Variants in ZRANB3 observed in about 807,000 individuals in gnomAD.
ZRANB3 encodes the protein zinc finger RANBP2-type containing 3.
A neutral mutation model predicts 133.8 loss-of-function variants in ZRANB3; 125 were observed. The ratio of observed to expected loss-of-function variants is 0.93; its 90% CI spans 0.81 to 1.08. The LOEUF (loss-of-function observed/expected upper bound fraction) is 1.08, where lower values mean the gene tolerates loss of function less well. Ranked by LOEUF, ZRANB3 falls within the 50% of genes least tolerant of loss-of-function variation. The pLI, the probability that ZRANB3 is intolerant of heterozygous loss-of-function variation, is 0.00. For missense variants in ZRANB3, 1,229 were observed against 1,275.5 expected, an observed-to-expected ratio of 0.96 and a Z score of 0.56; for synonymous variants, 387 against 432.7, an observed-to-expected ratio of 0.89 and a Z score of 1.31.
At chr2:135,250,730 T>C (rs1038221617) in intron 12 of ZRANB3, among the ~76,000 whole-genome samples, 5 of 152,320 alleles carry the variant, frequency 3.3e-5, no homozygotes, top group East Asian at 3.9e-4. Flanking sequence ...AAGTCAAGAA[T>C]TGAAGTTTGG....
At chr2:135,297,906 G>T (rs1254654733) in intron 8 of ZRANB3, among the ~76,000 whole-genome samples, 5 of 152,044 alleles carry the variant, frequency 3.3e-5, no homozygotes, top group Non-Finnish European at 7.4e-5. Flanking sequence ...TTTCTCTGGA[G>T]ACTTTTTTGT....
chr2:135,223,188 T>C (rs1558840070), intron 15 of ZRANB3, among the ~76,000 whole-genome samples: 2 of 149,950 alleles, frequency 1.3e-5, no homozygotes, highest in African/African-American at 2.5e-5. Flanking sequence ...GAGGCAGAGG[T>C]TGCAGTGAGC....
At position 135,211,140 on chromosome 2, in the gene ZRANB3, G is replaced by C. The variant is rs76425641; in HGVS notation, c.2496-2162C>G. On this transcript the variant is annotated intron_variant, in intron 17 of 20. Coordinates refer to ENST00000264159, the MANE Select transcript of ZRANB3 (RefSeq NM_032143.4). ...CATTTCCATTGACATATCATTCACA[G>C]AGCATAAAATTCACCAATTTAAAGT... Among the ~76,000 whole-genome samples, 25 of 152,204 alleles carry C rather than the reference G, an allele frequency of 1.6e-4. No individual in the cohort carries two copies. In the East Asian group the frequency reaches 1.7e-3, roughly 11 times the overall value.
chr2:135,470,579 C>T (rs539413823), intron 2 of ZRANB3, among the ~76,000 whole-genome samples: 4 of 150,620 alleles, frequency 2.7e-5, no homozygotes, highest in South Asian at 2.1e-4. Context: ...CCCAGATACT[C>T]GGGAGGCTGA....
At chr2:135,308,781 C>A (rs1053781651) in intron 8 of ZRANB3, among the ~76,000 whole-genome samples, 3 of 151,096 alleles carry the variant, frequency 2.0e-5, no homozygotes, top group Non-Finnish European at 4.4e-5. Flanking sequence ...TTCATAAAAG[C>A]CTAATTCCTT....
At chr2:135,231,935 A>G (rs1205528716) in intron 12 of ZRANB3, among the ~76,000 whole-genome samples, 1 of 152,160 alleles carries the variant, frequency 6.6e-6, no homozygotes, top group Non-Finnish European at 1.5e-5. Flanking sequence ...GGAGTGTCAG[A>G]CAGTGGGTGC....
intron 11 of ZRANB3, among the ~76,000 whole-genome samples, chr2:135,266,504 T>C (rs1330652608): frequency 6.6e-6 from 1 of 152,030 alleles, no homozygotes; most frequent in Non-Finnish European, 1.5e-5. Context: ...CGGTGGCTCA[T>C]GCCTGTAATC....
chr2:135,421,664 A>C (rs1019216545), intron 2 of ZRANB3, among the ~76,000 whole-genome samples: 1 of 152,002 alleles, frequency 6.6e-6, no homozygotes, highest in Admixed American at 6.6e-5. Context: ...TGACTACTCT[A>C]TATCTGTTGC....
intron 2 of ZRANB3, among the ~76,000 whole-genome samples, chr2:135,454,025 C>T (rs187044013): frequency 7.2e-5 from 11 of 152,276 alleles, no homozygotes; most frequent in Non-Finnish European, 1.3e-4. Context: ...TGACAGGAGG[C>T]GAAAGCCACT....
At chr2:135,297,159 A>G (rs1682165431) in intron 8 of ZRANB3, among the ~76,000 whole-genome samples, 1 of 152,166 alleles carries the variant, frequency 6.6e-6, no homozygotes, top group African/African-American at 2.4e-5. Flanking sequence ...TGTTTGTCTT[A>G]GCCCTGCCCT....
At chr2:135,294,482 C>G (rs1305436535) in intron 8 of ZRANB3, among the ~76,000 whole-genome samples, 1 of 151,996 alleles carries the variant, frequency 6.6e-6, no homozygotes, top group Non-Finnish European at 1.5e-5. Flanking sequence ...TGATTCTTCT[C>G]TCTTTTCTTC....
intron 6 of ZRANB3, among the ~76,000 whole-genome samples, chr2:135,341,249 C>T (rs527735524): frequency 1.3e-5 from 2 of 149,686 alleles, no homozygotes; most frequent in Non-Finnish European, 2.9e-5. Flanking sequence ...AGGATGGTCT[C>T]GATCTCTGGA....
chr2:135,269,333 CA>C (rs1182975935), intron 10 of ZRANB3, among the ~76,000 whole-genome samples, 192 bp from the exon 11 acceptor site: 1 of 151,902 alleles, frequency 6.6e-6, no homozygotes, highest in East Asian at 1.9e-4. Context: ...AGGTGAACTA[CA>C]AAAAACACAT....
At chr2:135,512,202 A>C (rs1489470910) in intron 1 of ZRANB3, among the ~76,000 whole-genome samples, 4 of 152,136 alleles carry the variant, frequency 2.6e-5, no homozygotes, top group Admixed American at 1.3e-4. Flanking sequence ...GGTACGCAAC[A>C]CTTGAAAAAA....
chr2:135,332,542 C>T (rs764405348), intron 6 of ZRANB3, among the ~76,000 whole-genome samples: 9 of 152,088 alleles, frequency 5.9e-5, no homozygotes, highest in Non-Finnish European at 1.0e-4. Context: ...CACCCTTTTC[C>T]AGATATGTTT....
At chr2:135,217,164 A>G (rs1416304769) in intron 17 of ZRANB3, among the ~76,000 whole-genome samples, 3 of 152,144 alleles carry the variant, frequency 2.0e-5, no homozygotes, top group South Asian at 2.1e-4. Context: ...CCTGCTGCTA[A>G]TAAGTGTCCC....
chr2:135,425,763 C>T (rs1302823380), intron 2 of ZRANB3, among the ~76,000 whole-genome samples: 1 of 151,754 alleles, frequency 6.6e-6, no homozygotes, highest in South Asian at 2.1e-4. Flanking sequence ...AATAAACAAC[C>T]TAACATCACA....
intron 2 of ZRANB3, among the ~76,000 whole-genome samples, chr2:135,415,315 A>T (rs1480546822): frequency 6.6e-6 from 1 of 151,956 alleles, no homozygotes; most frequent in African/African-American, 2.4e-5. Flanking sequence ...ACCATCAGAG[A>T]ATACTACAAA....
At chr2:135,223,413 C>A (rs1033603641) in intron 15 of ZRANB3, among the ~76,000 whole-genome samples, 10 of 151,060 alleles carry the variant, frequency 6.6e-5, no homozygotes, top group African/African-American at 2.4e-4. Context: ...GCAACCTCTG[C>A]CTCCCAGGTT....
Sources: allele counts gnomAD v4.1 joint callset (sites outside exome capture counted in the v4.1 genomes callset), GRCh38; gene constraint gnomAD v4.1.1; transcripts MANE v1.5; gene names NCBI Gene and HGNC (gene_info 2026-07-23, HGNC 2026-07-21).